Variants in WDPCP observed in about 807,000 individuals in gnomAD.
The protein encoded by WDPCP is WD repeat containing planar cell polarity effector.
In WDPCP, 71 loss-of-function variants were observed where a neutral mutation model predicts 93.1. The ratio of observed to expected loss-of-function variants is 0.76; its 90% CI spans 0.63 to 0.93. The LOEUF (loss-of-function observed/expected upper bound fraction) is 0.93. WDPCP is among the 40% of genes least tolerant of loss of function. WDPCP has a pLI of 0.00. For missense variants in WDPCP, 844 were observed against 887.4 expected (o/e 0.95, Z 0.62); for synonymous variants, 315 against 315.0 (o/e 1.00, Z 0.00).
intron 2 of WDPCP, among the ~76,000 whole-genome samples, chr2:63,770,724 G>A (rs115471646): frequency 4.3e-4 from 66 of 151,912 alleles, no homozygotes; most frequent in Admixed American, 6.6e-4. Context: ...TAATATGTTC[G>A]TTTTCATCCT....
At chr2:63,571,267 G>C (rs1707477275) in intron 1 of WDPCP, 2 of 410,486 alleles carry the variant, frequency 4.9e-6, no homozygotes, top group Non-Finnish European at 9.5e-6. Context: ...AAATAAATCA[G>C]TGTACTATAT....
intron 17 of WDPCP, among the ~76,000 whole-genome samples, chr2:63,148,155 G>A (rs775448059): frequency 1.3e-5 from 2 of 151,962 alleles, no homozygotes; most frequent in South Asian, 2.1e-4. Context: ...GCCTGGACTG[G>A]AGATACCAAT....
intron 14 of WDPCP, among the ~76,000 whole-genome samples, chr2:63,253,218 T>G (rs1266897116): frequency 1.3e-5 from 2 of 151,978 alleles, no homozygotes; most frequent in Non-Finnish European, 2.9e-5. Flanking sequence ...CTTTTCACCA[T>G]ATACAAAAAT....
intron 1 of WDPCP, among the ~76,000 whole-genome samples, chr2:63,520,896 C>CAAA (rs3051721): frequency 1.0e-5 from 1 of 99,796 alleles, no homozygotes; most frequent in African/African-American, 4.4e-5. Context: ...GACCCTATCT[C>CAAA]AAAAAAAAAA....
At chr2:63,347,749 G>A (rs948006538) in intron 12 of WDPCP, among the ~76,000 whole-genome samples, 6 of 131,448 alleles carry the variant, frequency 4.6e-5, no homozygotes, top group African/African-American at 1.5e-4. Context: ...GCCCCCGACT[G>A]GATATTCATC....
At chr2:63,378,627 C>T (rs913663868) in intron 11 of WDPCP, 118 bp from the exon 12 acceptor site, 2 of 1,401,790 alleles carry the variant, frequency 1.4e-6, no homozygotes, top group African/African-American at 1.4e-5. Context: ...GAACTTGTTG[C>T]AGGAAAGATA....
intron 2 of WDPCP, among the ~76,000 whole-genome samples, chr2:63,772,595 A>G (rs983971264): frequency 1.3e-5 from 2 of 152,014 alleles, no homozygotes; most frequent in African/African-American, 4.8e-5. Context: ...ACTAAAACCA[A>G]ATTGGGTTTA....
intron 2 of WDPCP, among the ~76,000 whole-genome samples, chr2:63,738,710 A>C (rs1238218471): frequency 6.6e-6 from 1 of 152,180 alleles, no homozygotes; most frequent in Non-Finnish European, 1.5e-5. Context: ...ATAAAGGATA[A>C]ATGTTTATGT....
chr2:63,678,284 G>A (rs569523567), intron 2 of WDPCP, among the ~76,000 whole-genome samples: 42 of 152,294 alleles, frequency 2.8e-4, no homozygotes, highest in African/African-American at 9.4e-4. Context: ...AGAGCAAAAG[G>A]CTGCATCAGC....
rs375030561 is a variant in WDPCP, at chr2:63,378,009, A to G, written c.1748+377T>C. 2.7e-5 allele frequency: 5 copies of G among 186,282 alleles called. No individual in the cohort carries two copies. In the South Asian group the frequency reaches 3.2e-4, roughly 12 times the overall value. The allele number at this position is 186,282 out of a possible 1,614,324, so 11.5% of individuals were successfully genotyped here. On this transcript the variant is annotated intron_variant, in intron 12 of 17. Transcript: ENST00000272321. Reference sequence around the variant, plus strand: ...CAAGTTTTTCTACAGTAATTCTTAAAGAAAAACAAACTAATGACTGTCTCA... The same window carrying G: ...CAAGTTTTTCTACAGTAATTCTTAAGGAAAAACAAACTAATGACTGTCTCA...
At chr2:63,401,761 C>T (rs576255759) in intron 10 of WDPCP, among the ~76,000 whole-genome samples, 60 of 152,134 alleles carry the variant, frequency 3.9e-4, no homozygotes, top group Non-Finnish European at 6.8e-4. Flanking sequence ...GCTGAGATCA[C>T]GCCACTGCAC....
intron 1 of WDPCP, among the ~76,000 whole-genome samples, chr2:63,558,566 G>C (rs986763043): frequency 7.3e-5 from 11 of 151,392 alleles, no homozygotes; most frequent in Non-Finnish European, 1.6e-4. Context: ...AAAGAAAAGA[G>C]AGAATAATCA....
chr2:63,259,869 C>T (rs939151718), intron 13 of WDPCP, among the ~76,000 whole-genome samples: 2 of 152,114 alleles, frequency 1.3e-5, no homozygotes, highest in Non-Finnish European at 2.9e-5. Context: ...ATAATTAGTA[C>T]TGACTAATTG....
At chr2:63,771,110 G>A (rs1431918639) in intron 2 of WDPCP, among the ~76,000 whole-genome samples, 1 of 151,498 alleles carries the variant, frequency 6.6e-6, no homozygotes, top group Non-Finnish European at 1.5e-5. Context: ...AAAGTGTAGA[G>A]AGTCCTGAGA....
chr2:63,817,544 A>T (rs77423315), intron 1 of WDPCP, among the ~76,000 whole-genome samples: 238 of 152,340 alleles, frequency 1.6e-3, no homozygotes, highest in African/African-American at 5.3e-3. Flanking sequence ...CATGGGTTAA[A>T]TCTTGCCTGC....
At chr2:63,582,646 A>T (rs148608372) in intron 1 of WDPCP, among the ~76,000 whole-genome samples, 4 of 152,266 alleles carry the variant, frequency 2.6e-5, no homozygotes, top group African/African-American at 9.6e-5. Flanking sequence ...CAAAACCAGT[A>T]ATAAAGAGAA....
chr2:63,137,797 T>C (rs915774081), intron 17 of WDPCP, among the ~76,000 whole-genome samples: 1 of 152,172 alleles, frequency 6.6e-6, no homozygotes, highest in Non-Finnish European at 1.5e-5. Context: ...CCCAGCACCA[T>C]TTATTGAATA....
chr2:63,759,077 G>A (rs1670015339), intron 2 of WDPCP, among the ~76,000 whole-genome samples: 1 of 151,140 alleles, frequency 6.6e-6, no homozygotes, highest in Non-Finnish European at 1.5e-5. Flanking sequence ...CACCATGCAC[G>A]GCCAAAAAAA....
chr2:63,383,270 T>TA (rs1477646516), intron 10 of WDPCP, among the ~76,000 whole-genome samples: 1 of 151,920 alleles, frequency 6.6e-6, no homozygotes, highest in East Asian at 1.9e-4. Context: ...TACTGAGAGG[T>TA]AAAAAAATTA....
Sources: gnomAD v4.1 joint callset for allele counts (sites outside exome capture counted in the v4.1 genomes callset) on GRCh38, gnomAD v4.1.1 for gene constraint, MANE v1.5 for transcripts, NCBI Gene and HGNC (gene_info 2026-07-23, HGNC 2026-07-21) for gene names.